The following CAPN14 variants were observed in gnomAD, a reference collection of about 807,000 sequenced individuals.
CAPN14 encodes the protein calpain 14, also known as calpain-14.
CAPN14 carries 94 observed loss-of-function variants against 101.3 expected under a neutral mutation model. The observed-to-expected ratio is 0.93, with a 90% CI of 0.79 to 1.10. The LOEUF (loss-of-function observed/expected upper bound fraction) is 1.10, where lower values mean the gene tolerates loss of function less well. Among genes scored for constraint, CAPN14 ranks in the 50% least tolerant of loss-of-function variants. CAPN14 has a pLI of 0.00. For synonymous variants in CAPN14, 338 were observed against 317.9 expected (o/e 1.06, Z -0.67); for missense variants, 837 against 828.4 (o/e 1.01, Z -0.13).
chr2:31,216,025 C>T (rs1221322810), intron 1 of CAPN14, among the ~76,000 whole-genome samples: 4 of 152,066 alleles, frequency 2.6e-5, no homozygotes, highest in African/African-American at 7.2e-5. Flanking sequence ...CAAATGAAAA[C>T]TACCCAAATG....
chr2:31,212,253 T>C (rs911835810), intron 1 of CAPN14, among the ~76,000 whole-genome samples: 3 of 147,854 alleles, frequency 2.0e-5, no homozygotes, highest in African/African-American at 7.6e-5. Flanking sequence ...GAGGTTGCAG[T>C]GAGCTGAGAT....
chr2:31,187,446 C>T (rs1002284598), intron 15 of CAPN14, among the ~76,000 whole-genome samples: 4 of 151,714 alleles, frequency 2.6e-5, no homozygotes, highest in Non-Finnish European at 5.9e-5. Flanking sequence ...CTGTCCCACT[C>T]CCAACTCTGA....
At chr2:31,182,246 C>G (rs1282449364) in intron 16 of CAPN14, among the ~76,000 whole-genome samples, 1 of 150,572 alleles carries the variant, frequency 6.6e-6, no homozygotes, top group Non-Finnish European at 1.5e-5. Context: ...TGGGCAAAAA[C>G]TGGAAGCATT....
intron 1 of CAPN14, among the ~76,000 whole-genome samples, chr2:31,214,939 A>G (rs1682572744): frequency 6.6e-6 from 1 of 151,848 alleles, no homozygotes; most frequent in African/African-American, 2.4e-5. Context: ...CCAGGGAGTC[A>G]TGGCCTGCTT....
At chr2:31,217,265 A>T (rs747915710) in intron 1 of CAPN14, among the ~76,000 whole-genome samples, 191 bp downstream of exon 1, 63 of 152,236 alleles carry the variant, frequency 4.1e-4, no homozygotes, top group Non-Finnish European at 7.8e-4. Flanking sequence ...GGTCACACTA[A>T]TAAGTGATGG....
chr2:31,193,720 A>C lies in CAPN14; in HGVS notation c.951-426T>G, dbSNP rs377365837. Among the ~76,000 whole-genome samples the C allele has an allele frequency of 1.2e-4, 18 of 152,298 alleles. 1 individual carries two copies. The highest frequency in any genetic ancestry group is 3.8e-4 in the African/African-American group (16 of 41,568). ...TACTTGCTAACTTGTGGCCTGCGACACTCTATTTAAGCTGTCTGATGCTCA... is the reference window on the plus strand; with the variant it reads ...TACTTGCTAACTTGTGGCCTGCGACCCTCTATTTAAGCTGTCTGATGCTCA... On this transcript the variant is annotated intron_variant, in intron 9 of 21. Coordinates refer to ENST00000403897, the MANE Select transcript of CAPN14 (RefSeq NM_001145122.2).
At chr2:31,186,152 ATTCC>A in intron 16 of CAPN14, among the ~76,000 whole-genome samples, 1 of 152,364 alleles carries the variant, frequency 6.6e-6, no homozygotes, top group East Asian at 1.9e-4. Flanking sequence ...GTACTCAGTT[ATTCC>A]TTTCTGACTA....
At chr2:31,176,417 T>A (rs1004990427) in intron 21 of CAPN14, among the ~76,000 whole-genome samples, 170 bp downstream of exon 21, 11 of 152,170 alleles carry the variant, frequency 7.2e-5, no homozygotes, top group African/African-American at 2.7e-4. Flanking sequence ...CAGAAAATAT[T>A]TGATGGGTGA....
intron 21 of CAPN14, among the ~76,000 whole-genome samples, chr2:31,175,254 T>C (rs1217736087): frequency 6.6e-6 from 1 of 152,168 alleles, no homozygotes; most frequent in Non-Finnish European, 1.5e-5. Flanking sequence ...CTGCAGACCT[T>C]GGGTGGTCCT....
chr2:31,212,746 T>C (rs1256967783), intron 1 of CAPN14, among the ~76,000 whole-genome samples: 1 of 152,256 alleles, frequency 6.6e-6, no homozygotes, highest in Non-Finnish European at 1.5e-5. Context: ...CTAGACACTA[T>C]GTCTCAGACT....
chr2:31,206,029 TATTTATTTA>T (rs1558630117), intron 1 of CAPN14, among the ~76,000 whole-genome samples: 27 of 125,730 alleles, frequency 2.1e-4, no homozygotes, highest in South Asian at 9.1e-4. Flanking sequence ...TTATTTTTTT[TATTTATTTA>T]TTTTTTTTTT....
chr2:31,187,951 T>C (rs975411492), intron 14 of CAPN14, 137 bp from the exon 15 acceptor site: 9 of 723,022 alleles, frequency 1.2e-5, no homozygotes, highest in Non-Finnish European at 1.8e-5. Flanking sequence ...TTTTACACCA[T>C]AGCATTTACA....
rs1393757119 is a variant in CAPN14 at position 31,192,028 on chromosome 2, C to T, written c.1185G>A (p.Arg395=). 6 of 1,551,502 alleles carry T rather than the reference C, an allele frequency of 3.9e-6. No individual in the cohort carries two copies. The highest frequency in any genetic ancestry group is 1.2e-5 in the South Asian group (1 of 84,068). ...GCAGGGACACCAGCACGCTGCAGGGCCTCAGGGATCTCCTGCCCTCCTCGG... is the reference window on the plus strand; with the variant it reads ...GCAGGGACACCAGCACGCTGCAGGGTCTCAGGGATCTCCTGCCCTCCTCGG... ...WRPEEGRRSL[R]PCSVLVSLLQ... is the part of the protein sequence containing the mutation. Residue 395 remains arginine, a synonymous_variant, in exon 11 of 22, where the codon AGG becomes AGA. Transcript: ENST00000403897.
At chr2:31,185,654 A>T (rs1366029708) in intron 16 of CAPN14, among the ~76,000 whole-genome samples, 1 of 152,158 alleles carries the variant, frequency 6.6e-6, no homozygotes, top group African/African-American at 2.4e-5. Context: ...TGTTTTACTG[A>T]TAACTGAATT....
intron 16 of CAPN14, among the ~76,000 whole-genome samples, chr2:31,186,210 T>C (rs541533460): frequency 9.8e-5 from 15 of 152,342 alleles, no homozygotes; most frequent in African/African-American, 4.8e-5. Flanking sequence ...TGTATGTCTA[T>C]ACCCAAAGTA....
At chr2:31,196,581 G>T (rs1434725245) in intron 8 of CAPN14, among the ~76,000 whole-genome samples, 1 of 144,492 alleles carries the variant, frequency 6.9e-6, no homozygotes, top group African/African-American at 2.6e-5. Flanking sequence ...CTGAAGACCT[G>T]TAAAGGATTA....
chr2:31,186,353 G>C (rs1340847277), intron 16 of CAPN14, 75 bp downstream of exon 16: 2 of 1,055,594 alleles, frequency 1.9e-6, no homozygotes, highest in African/African-American at 3.3e-5. Context: ...CCCACCAAGG[G>C]AAAGAGAAAC....
chr2:31,184,532 A>G (rs1035597237), intron 16 of CAPN14, among the ~76,000 whole-genome samples: 2 of 152,214 alleles, frequency 1.3e-5, no homozygotes, highest in African/African-American at 4.8e-5. Context: ...ATTGAACAGA[A>G]TACAGTAGAC....
intron 2 of CAPN14, among the ~76,000 whole-genome samples, chr2:31,223,064 G>A (rs1015567304): frequency 3.9e-5 from 6 of 152,324 alleles, no homozygotes; most frequent in East Asian, 3.9e-4. Context: ...TGCTGGTGCC[G>A]TGATCTCGGG....
Sources: gnomAD v4.1 joint callset for allele counts (sites outside exome capture counted in the v4.1 genomes callset) on GRCh38, gnomAD v4.1.1 for gene constraint, MANE v1.5 for transcripts, NCBI Gene and HGNC (gene_info 2026-07-23, HGNC 2026-07-21) for gene names.